The following SNTG1 variants were observed in gnomAD, a reference collection of about 807,000 sequenced individuals.
The protein encoded by SNTG1 is gamma-1-syntrophin.
SNTG1 carries 39 observed loss-of-function variants against 74.7 expected under a neutral mutation model. The observed-to-expected ratio is 0.52, with a 90% CI of 0.40 to 0.68. SNTG1 has a LOEUF of 0.68. SNTG1 is among the 30% of genes least tolerant of loss of function. The pLI, the probability that SNTG1 is intolerant of heterozygous loss-of-function variation, is 0.00. For missense variants in SNTG1, 685 were observed against 609.5 expected, an observed-to-expected ratio of 1.12 and a Z score of -1.30; for synonymous variants, 254 against 217.1, an observed-to-expected ratio of 1.17 and a Z score of -1.49.
chr8:50,437,970 C>T (rs1189702536), intron 4 of SNTG1, among the ~76,000 whole-genome samples: 1 of 152,268 alleles, frequency 6.6e-6, no homozygotes, highest in African/African-American at 2.4e-5. Flanking sequence ...ATTCAATTAT[C>T]ATTATTACTT....
intron 1 of SNTG1, among the ~76,000 whole-genome samples, chr8:49,986,124 G>T (rs1208063944): frequency 1.3e-5 from 2 of 152,108 alleles, no homozygotes; most frequent in Non-Finnish European, 2.9e-5. Flanking sequence ...AAGTTGTGCT[G>T]ATCAGACCTA....
chr8:50,379,844 T>C (rs890506945), intron 2 of SNTG1, among the ~76,000 whole-genome samples: 16 of 152,212 alleles, frequency 1.1e-4, no homozygotes, highest in African/African-American at 3.9e-4. Context: ...GCTGCCCCCT[T>C]AAACACCACA....
chr8:49,936,517 T>C (rs1168363853), intron 1 of SNTG1, among the ~76,000 whole-genome samples: 1 of 152,184 alleles, frequency 6.6e-6, no homozygotes, highest in African/African-American at 2.4e-5. Context: ...CAAGTACTTT[T>C]GAGAATGAAA....
At chr8:50,352,924 T>C (rs1418625567) in intron 2 of SNTG1, among the ~76,000 whole-genome samples, 1 of 152,164 alleles carries the variant, frequency 6.6e-6, no homozygotes, top group Non-Finnish European at 1.5e-5. Flanking sequence ...CAAAGGATTA[T>C]AAATCATGCT....
At chr8:50,388,181 G>C (rs531862932) in intron 2 of SNTG1, among the ~76,000 whole-genome samples, 2 of 152,228 alleles carry the variant, frequency 1.3e-5, no homozygotes, top group South Asian at 2.1e-4. Context: ...CAGGGCATAG[G>C]CTAGTAATTT....
intron 1 of SNTG1, among the ~76,000 whole-genome samples, chr8:50,105,182 A>G (rs1025676130): frequency 6.6e-6 from 1 of 152,130 alleles, no homozygotes; most frequent in Admixed American, 6.6e-5. Flanking sequence ...TGAAGTCTTT[A>G]GTCCCTCTTG....
chr8:50,388,756 C>A (rs368405953), intron 2 of SNTG1, among the ~76,000 whole-genome samples: 2 of 152,188 alleles, frequency 1.3e-5, no homozygotes, highest in Admixed American at 1.3e-4. Flanking sequence ...GACCCACCCA[C>A]ATTATTGAAA....
chr8:50,456,468 C>T (rs969781632), intron 8 of SNTG1, among the ~76,000 whole-genome samples: 2 of 151,972 alleles, frequency 1.3e-5, no homozygotes, highest in African/African-American at 4.8e-5. Context: ...CTGAGGGCTG[C>T]TCTCTGCTTT....
intron 2 of SNTG1, among the ~76,000 whole-genome samples, chr8:50,255,654 A>C (rs574964044): frequency 2.6e-5 from 4 of 152,056 alleles, no homozygotes; most frequent in Non-Finnish European, 5.9e-5. Flanking sequence ...TCTTTACATC[A>C]AGCTCTCCTT....
chr8:50,474,590 A>G (rs1368777741), intron 8 of SNTG1, among the ~76,000 whole-genome samples: 2 of 152,140 alleles, frequency 1.3e-5, no homozygotes, highest in Admixed American at 6.6e-5. Context: ...GGTGCTGGAG[A>G]GGATGTGGAG....
At chr8:50,143,359 C>T (rs1479678617) in intron 1 of SNTG1, among the ~76,000 whole-genome samples, 1 of 152,008 alleles carries the variant, frequency 6.6e-6, no homozygotes. Context: ...GTGTTTGTTC[C>T]TTATCCTCCC....
intron 12 of SNTG1, among the ~76,000 whole-genome samples, chr8:50,553,616 A>G (rs1242445594): frequency 1.3e-5 from 2 of 152,112 alleles, no homozygotes; most frequent in African/African-American, 4.8e-5. Context: ...GAAGATTGCC[A>G]TTGTCTCACA....
chr8:49,950,830 G>C (rs1239389319), intron 1 of SNTG1, among the ~76,000 whole-genome samples: 1 of 152,162 alleles, frequency 6.6e-6, no homozygotes, highest in Non-Finnish European at 1.5e-5. Flanking sequence ...ATGCTCCCCA[G>C]CTCTCCTCTA....
At chr8:49,958,247 C>T (rs1207269941) in intron 1 of SNTG1, among the ~76,000 whole-genome samples, 1 of 152,050 alleles carries the variant, frequency 6.6e-6, no homozygotes, top group Non-Finnish European at 1.5e-5. Context: ...GGGCTGAACA[C>T]AAGGCACACA....
At chr8:50,761,122 A>C (rs1331025431) in intron 18 of SNTG1, among the ~76,000 whole-genome samples, 2 of 152,050 alleles carry the variant, frequency 1.3e-5, no homozygotes, top group Non-Finnish European at 2.9e-5. Context: ...GAAAATCCTC[A>C]GTAAGATACC....
At chr8:50,715,075 G>A (rs535298016) in intron 17 of SNTG1, among the ~76,000 whole-genome samples, 6 of 152,076 alleles carry the variant, frequency 3.9e-5, no homozygotes, top group Non-Finnish European at 8.8e-5. Flanking sequence ...TAATAAGTAT[G>A]GGCGTCCAAC....
chr8:50,757,825 A>G (rs151128559), intron 18 of SNTG1, among the ~76,000 whole-genome samples: 120 of 151,978 alleles, frequency 7.9e-4, no homozygotes, highest in African/African-American at 2.7e-3. Flanking sequence ...TCTCCTTATT[A>G]GCACAACAGT....
intron 2 of SNTG1, among the ~76,000 whole-genome samples, chr8:50,371,429 A>C (rs2092265813): frequency 6.6e-6 from 1 of 152,176 alleles, no homozygotes; most frequent in Admixed American, 6.5e-5. Context: ...CAGCATATTC[A>C]TATGGCTCCT....
At chr8:50,701,756 CCTT>C (rs1423114422) in intron 15 of SNTG1, among the ~76,000 whole-genome samples, 18 of 123,768 alleles carry the variant, frequency 1.5e-4, no homozygotes, top group African/African-American at 5.0e-4. Context: ...TCCTTCTTCT[CCTT>C]CTTCTTCTTC....
Sources: gnomAD v4.1 joint callset for allele counts (sites outside exome capture counted in the v4.1 genomes callset) on GRCh38, gnomAD v4.1.1 for gene constraint, MANE v1.5 for transcripts, NCBI Gene and HGNC (gene_info 2026-07-23, HGNC 2026-07-21) for gene names.